ATP7B: variants seen among roughly 807,000 people sequenced by gnomAD.
ATP7B encodes the protein copper-transporting ATPase 2.
ATP7B carries 113 observed loss-of-function variants against 118.9 expected under a neutral mutation model. That is an observed-to-expected ratio of 0.95 (90% CI 0.82 to 1.11). The LOEUF is 1.11. Among genes scored for constraint, ATP7B ranks in the 50% most tolerant of loss-of-function variants. ATP7B has a pLI of 0.00. For synonymous variants in ATP7B, 777 were observed against 727.4 expected (o/e 1.07, Z -1.10); for missense variants, 1,867 against 1,871.4 (o/e 1.00, Z 0.04).
In ATP7B at chr13:51,934,535, G is replaced by A. The variant is rs886050305; in HGVS notation, c.*221C>T. Reference sequence around the variant, plus strand: ...AGTCCAAGACAAAGCCCATGCTGACGGTCCCGTGAGGCCAAGAGGCAGGCA... The same window carrying A: ...AGTCCAAGACAAAGCCCATGCTGACAGTCCCGTGAGGCCAAGAGGCAGGCA... On this transcript the variant is annotated 3_prime_UTR_variant, in exon 21 of 21. Coordinates refer to ENST00000242839, the MANE Select transcript of ATP7B (RefSeq NM_000053.4). 7.0e-5 allele frequency: 46 copies of A among 657,734 alleles called. 1 individual carries two copies. The highest frequency in any genetic ancestry group is 1.2e-4 in the Non-Finnish European group (46 of 385,412). 40.7% of individuals were successfully genotyped at this position (657,734 alleles called of 1,614,324 possible). A position where few individuals can be genotyped will look rare whatever the true frequency, so the allele number is the denominator to read the frequency against.
Position 51,974,472 on chromosome 13 carries a change from C to T in ATP7B, c.748G>A (p.Gly250Arg), listed in dbSNP as rs192444554. 26 of 1,614,000 alleles carry T rather than the reference C, an allele frequency of 1.6e-5. No homozygotes were observed. The East Asian group carries it at 5.1e-4, about 32-fold the overall frequency. Reference protein sequence around the residue: ...NQNFNNSETLGHQGSHVVTLQ... With the variant: ...NQNFNNSETLRHQGSHVVTLQ... ...GTGACCACATGGCTTCCTTGGTGCC[C>T]CAAGGTCTCAGAATTATTAAAATTC... The change falls in exon 2 of 21, where the codon GGG (glycine) becomes AGG (arginine). Residue 250 changes from glycine (G) to arginine (R), a missense_variant. Transcript: ENST00000242839.
chr13:51,952,583 T>C (rs1390266368), intron 9 of ATP7B, among the ~76,000 whole-genome samples: 1 of 152,238 alleles, frequency 6.6e-6, no homozygotes, highest in Non-Finnish European at 1.5e-5. Context: ...CAGCAAAACC[T>C]GAAGATGTCT....
At chr13:51,946,146 C>T in intron 13 of ATP7B, 138 bp downstream of exon 13, 1 of 1,187,902 alleles carries the variant, frequency 8.4e-7, no homozygotes, top group Non-Finnish European at 1.2e-6. Flanking sequence ...GTTGTTATTC[C>T]CAGTTATACT....
chr13:51,982,768 C>T (rs1952481470), intron 1 of ATP7B, among the ~76,000 whole-genome samples: 2 of 152,210 alleles, frequency 1.3e-5, no homozygotes, highest in African/African-American at 4.8e-5. Context: ...GAGGGCAAGC[C>T]AAAGCAGGGT....
intron 4 of ATP7B, among the ~76,000 whole-genome samples, chr13:51,968,124 C>T (rs942896624): frequency 2.0e-5 from 3 of 152,144 alleles, no homozygotes; most frequent in Non-Finnish European, 4.4e-5. Context: ...TGTTCAACTC[C>T]CCCTAACCAC....
chr13:52,011,924 G>A (rs1314776669), upstream of ATP7B: 1 of 275,694 alleles, frequency 3.6e-6, no homozygotes, highest in South Asian at 3.6e-5. Context: ...GCCGCGTCGG[G>A]TCCGCTCTGC....
At chr13:51,946,538 C>A in intron 12 of ATP7B, 60 bp from the exon 13 acceptor site, 2 of 1,583,486 alleles carry the variant, frequency 1.3e-6, no homozygotes, top group Non-Finnish European at 1.7e-6. Flanking sequence ...TCCCAGAACT[C>A]TAATCACATA....
chr13:51,997,603 G>A (rs1332363874), intron 1 of ATP7B, among the ~76,000 whole-genome samples: 2 of 152,200 alleles, frequency 1.3e-5, no homozygotes, highest in African/African-American at 4.8e-5. Flanking sequence ...CCTGTGGGTG[G>A]TGTAGAATCA....
At chr13:51,986,124 G>C (rs1952639603) in intron 1 of ATP7B, among the ~76,000 whole-genome samples, 2 of 152,158 alleles carry the variant, frequency 1.3e-5, no homozygotes, top group South Asian at 4.1e-4. Context: ...ATGAATCCAG[G>C]AGCTGGTTTT....
At chr13:51,958,227 A>G in intron 8 of ATP7B, 84 bp downstream of exon 8, 1 of 1,436,050 alleles carries the variant, frequency 7.0e-7, no homozygotes, top group Non-Finnish European at 9.8e-7. Context: ...GTGTATAATT[A>G]GTAATTCTAA....
chr13:51,972,016 C>G (rs1951864932), intron 2 of ATP7B, among the ~76,000 whole-genome samples: 1 of 152,250 alleles, frequency 6.6e-6, no homozygotes, highest in South Asian at 2.1e-4. Context: ...GTCCAGTCCA[C>G]AGAGACACGC....
chr13:52,005,296 T>C (rs1184511732), intron 1 of ATP7B, among the ~76,000 whole-genome samples: 1 of 152,250 alleles, frequency 6.6e-6, no homozygotes, highest in Non-Finnish European at 1.5e-5. Context: ...CTTCTTGCAT[T>C]TTCTTATAAG....
chr13:51,972,826 T>C (rs1438912304), intron 2 of ATP7B, among the ~76,000 whole-genome samples: 1 of 151,882 alleles, frequency 6.6e-6, no homozygotes, highest in Non-Finnish European at 1.5e-5. Flanking sequence ...ACAGCAACAC[T>C]CCGTCTCTAC....
chr13:51,954,555 G>A (rs1958214417), intron 9 of ATP7B, among the ~76,000 whole-genome samples: 1 of 152,230 alleles, frequency 6.6e-6, no homozygotes, highest in Non-Finnish European at 1.5e-5. Context: ...GACCAGCATG[G>A]TGCCAGTGGA....
intron 7 of ATP7B, 145 bp downstream of exon 7, chr13:51,960,003 A>T: frequency 8.6e-7 from 1 of 1,164,026 alleles, no homozygotes; most frequent in Non-Finnish European, 1.2e-6. Flanking sequence ...GAAAAAAAGC[A>T]GCAACTGCCT....
At chr13:52,006,270 T>A (rs1362463960) in intron 1 of ATP7B, among the ~76,000 whole-genome samples, 1 of 152,232 alleles carries the variant, frequency 6.6e-6, no homozygotes, top group Non-Finnish European at 1.5e-5. Context: ...GTGTTCATGT[T>A]ACTGGGCCAT....
At chr13:51,960,068 T>A in intron 7 of ATP7B, 80 bp downstream of exon 7, 2 of 1,524,254 alleles carry the variant, frequency 1.3e-6, no homozygotes, top group Non-Finnish European at 1.8e-6. Flanking sequence ...TAAAGCACTA[T>A]GTTTGCGCTT....
intron 2 of ATP7B, 39 bp from the exon 3 acceptor site, chr13:51,970,788 C>T (rs1011084576): frequency 1.9e-6 from 3 of 1,605,414 alleles, no homozygotes; most frequent in Admixed American, 3.3e-5. Context: ...ATTAGAAGAG[C>T]AAATAATATG....
chr13:51,967,063 A>G (rs1951587684), intron 4 of ATP7B: 2 of 1,605,892 alleles, frequency 1.2e-6, no homozygotes, highest in Non-Finnish European at 1.7e-6. Context: ...AAGCACAATA[A>G]CAAGAAAATT....
Sources: allele counts gnomAD v4.1 joint callset (sites outside exome capture counted in the v4.1 genomes callset), GRCh38; gene constraint gnomAD v4.1.1; transcripts MANE v1.5; gene names NCBI Gene and HGNC (gene_info 2026-07-23, HGNC 2026-07-21).